The following PCNX2 variants were observed in gnomAD, a reference collection of about 807,000 sequenced individuals.
PCNX2 encodes pecanex-like protein 2.
In PCNX2, 168 loss-of-function variants were observed where a neutral mutation model predicts 223.8. That is an observed-to-expected ratio of 0.75 (90% CI 0.66 to 0.85). The LOEUF (loss-of-function observed/expected upper bound fraction) is 0.85, where lower values mean the gene tolerates loss of function less well. Ranked by LOEUF, PCNX2 falls within the 40% of genes least tolerant of loss-of-function variation. PCNX2 has a pLI of 0.00. For synonymous variants in PCNX2, 1,006 were observed against 1,052.6 expected (o/e 0.96, Z 0.86); for missense variants, 2,507 against 2,675.5 (o/e 0.94, Z 1.39).
intron 17 of PCNX2, chr1:233,167,765 C>T (rs1678886920): frequency 1.2e-5 from 12 of 984,832 alleles, no homozygotes; most frequent in Non-Finnish European, 1.4e-5. Context: ...GAGCTTGCTA[C>T]TGTGTCCTGT....
chr1:233,112,985 GA>G (rs1217981107), intron 21 of PCNX2: 28 of 1,289,196 alleles, frequency 2.2e-5, no homozygotes, highest in African/African-American at 4.6e-5. Context: ...GAGAAGACAA[GA>G]AAGTGGATGT....
In PCNX2 at chr1:233,295,318, C is replaced by G; in HGVS notation, c.153+8G>C. Reference sequence around the variant, plus strand: ...ACAGCTCCCCGGGACCGGACCCTCCCCACTCACCAGGTGCAGGGCCAGGGG... The same window carrying G: ...ACAGCTCCCCGGGACCGGACCCTCCGCACTCACCAGGTGCAGGGCCAGGGG... On this transcript the variant is annotated splice_region_variant and intron_variant, in intron 1 of 33. Transcript: ENST00000258229. This position sits in a 1 kb window ranked among gnomAD's most constrained non-coding sequence, Gnocchi z 4.1. The G allele has an allele frequency of 6.3e-7, 1 of 1,574,868 alleles. No homozygotes were observed. The highest frequency in any genetic ancestry group is 8.6e-7 in the Non-Finnish European group (1 of 1,160,138).
At chr1:233,287,152 T>G (rs1226502388) in intron 1 of PCNX2, among the ~76,000 whole-genome samples, 1 of 152,180 alleles carries the variant, frequency 6.6e-6, no homozygotes. Context: ...CATTCAAACT[T>G]CCACTCACAT....
chr1:233,042,509 G>T (rs1433809922), intron 25 of PCNX2, among the ~76,000 whole-genome samples: 1 of 152,138 alleles, frequency 6.6e-6, no homozygotes, highest in African/African-American at 2.4e-5. Flanking sequence ...CTCTAGCCAT[G>T]GTATATCTCC....
rs12022119 is a variant in PCNX2, at chr1:233,287,564, C to A, written c.153+7762G>T. ...CCACCATGTAAGACGTGACTTTGCT[C>A]CTCATTTGCCTTGTGCCATGACTGT... On this transcript the variant is annotated intron_variant, in intron 1 of 33. Transcript: ENST00000258229. Among the ~76,000 whole-genome samples the A allele has an allele frequency of 3.1e-3, 471 of 152,314 alleles. 13 individuals carry two copies. The East Asian group carries it at 0.083, about 27-fold the overall frequency.
At chr1:233,006,046 G>C (rs878863122) in intron 28 of PCNX2, among the ~76,000 whole-genome samples, 1 of 152,066 alleles carries the variant, frequency 6.6e-6, no homozygotes, top group Non-Finnish European at 1.5e-5. Flanking sequence ...GAAAAAACTC[G>C]GCACATGTGT....
At chr1:233,164,585 T>C (rs1413134129) in intron 17 of PCNX2, among the ~76,000 whole-genome samples, 1 of 151,332 alleles carries the variant, frequency 6.6e-6, no homozygotes, top group African/African-American at 2.4e-5. Context: ...TCACATTTTA[T>C]ATATGATACC....
chr1:233,235,020 C>T (rs910334188), intron 9 of PCNX2, among the ~76,000 whole-genome samples: 1 of 151,918 alleles, frequency 6.6e-6, no homozygotes, highest in African/African-American at 2.4e-5. Context: ...CTCACCCAAA[C>T]CAGGCAGGTA....
intron 1 of PCNX2, among the ~76,000 whole-genome samples, chr1:233,288,613 C>T (rs566568087): frequency 2.6e-4 from 39 of 152,128 alleles, no homozygotes; most frequent in African/African-American, 9.4e-4. Flanking sequence ...AAGACTGTTG[C>T]CCCAGCAACA....
chr1:233,073,634 C>T (rs1214100059), intron 23 of PCNX2, among the ~76,000 whole-genome samples: 1 of 151,850 alleles, frequency 6.6e-6, no homozygotes, highest in Non-Finnish European at 1.5e-5. Context: ...TTTTTAGAGG[C>T]AGGGTCTTGC....
Position 233,001,078 on chromosome 1 carries a change from G to A in PCNX2, c.5097+459C>T, listed in dbSNP as rs1415902006. Reference sequence around the variant, plus strand: ...AGACAGGGTCTTGCACTGTCACCCAGGCTGGAGTGCAGTGGCGCAATCATA... The same window carrying A: ...AGACAGGGTCTTGCACTGTCACCCAAGCTGGAGTGCAGTGGCGCAATCATA... On this transcript the variant is annotated intron_variant, in intron 29 of 33. Transcript: ENST00000258229. This position sits in a 1 kb window ranked among gnomAD's most constrained non-coding sequence, Gnocchi z 4.2. Among the ~76,000 whole-genome samples the A allele has an allele frequency of 6.6e-6, 1 of 152,044 alleles. No homozygotes were observed. The highest frequency in any genetic ancestry group is 1.9e-4 in the East Asian group (1 of 5,194).
At chr1:233,306,236 A>C in the PCNX2 span, among the ~76,000 whole-genome samples, 2 of 152,250 alleles carry the variant, frequency 1.3e-5, no homozygotes, top group African/African-American at 2.4e-5. Flanking sequence ...ATATGCACCC[A>C]ACAACAGAAC....
chr1:233,277,231 C>T (rs895365668), intron 1 of PCNX2, among the ~76,000 whole-genome samples: 1 of 152,206 alleles, frequency 6.6e-6, no homozygotes, highest in African/African-American at 2.4e-5. Context: ...CCCTTGAGGT[C>T]CTCCTTCAAT....
the PCNX2 span, among the ~76,000 whole-genome samples, chr1:233,321,578 A>G: frequency 2.6e-5 from 4 of 152,192 alleles, no homozygotes; most frequent in Non-Finnish European, 4.4e-5. Context: ...GATTATAGGC[A>G]TGAGCCACCA....
chr1:233,018,414 T>G (rs2102822605), intron 26 of PCNX2, among the ~76,000 whole-genome samples: 1 of 152,348 alleles, frequency 6.6e-6, no homozygotes, highest in East Asian at 1.9e-4. Flanking sequence ...AGTGGACATC[T>G]GTGATACATT....
At chr1:233,141,388 C>T (rs1050017333) in intron 19 of PCNX2, among the ~76,000 whole-genome samples, 11 of 152,112 alleles carry the variant, frequency 7.2e-5, no homozygotes, top group Admixed American at 2.6e-4. Context: ...GAAGAGAGAC[C>T]GGGTGCGGTG....
chr1:233,160,505 A>G (rs1678405400), intron 18 of PCNX2, 72 bp from the exon 19 acceptor site: 5 of 1,471,528 alleles, frequency 3.4e-6, no homozygotes, highest in South Asian at 2.4e-5. Context: ...TGAATAATAC[A>G]TAACATCACT....
chr1:233,262,843 T>G (rs1572171051), intron 2 of PCNX2, 115 bp downstream of exon 2: 1 of 906,722 alleles, frequency 1.1e-6, no homozygotes, highest in Non-Finnish European at 1.7e-6. Context: ...ATAAGAAAAA[T>G]GCATATATTT....
In PCNX2 at chr1:233,095,837, C is replaced by T. The variant is rs1199295622; in HGVS notation, c.3864G>A (p.Gln1288=). 1 of 1,611,666 alleles carries T rather than the reference C, an allele frequency of 6.2e-7. No homozygotes were observed. Among genetic ancestry groups the T allele is most frequent in the Non-Finnish European group, 8.5e-7 (1 of 1,178,994 alleles). Residue 1288 remains glutamine, a synonymous_variant, in exon 22 of 34, where the codon CAG becomes CAA. Transcript: ENST00000258229. ...AAGGAGCCACATATGTCAGGACGAA[C>T]TGTAACTTGTGAAGCAGGTCCCCGA... ...SKLGDLLHKL[Q]FVLTYVAPWQ...
Sources: allele counts gnomAD v4.1 joint callset (sites outside exome capture counted in the v4.1 genomes callset), GRCh38; gene constraint gnomAD v4.1.1; non-coding constraint Gnocchi (gnomAD v3.1); transcripts MANE v1.5; gene names NCBI Gene and HGNC (gene_info 2026-07-23, HGNC 2026-07-21).